GTPBP4: variants seen among roughly 807,000 people sequenced by gnomAD.
GTPBP4 encodes GTP-binding protein 4.
GTPBP4 carries 15 observed loss-of-function variants against 81.7 expected under a neutral mutation model. That is an observed-to-expected ratio of 0.18 (90% CI 0.12 to 0.28). The LOEUF is 0.28. Among genes scored for constraint, GTPBP4 ranks in the 10% least tolerant of loss-of-function variants. GTPBP4 has a pLI of 1.00. For synonymous variants in GTPBP4, 272 were observed against 274.6 expected (o/e 0.99, Z 0.09); for missense variants, 847 against 793.8 (o/e 1.07, Z -0.81).
chr10:988,519 T>C lies in GTPBP4; in HGVS notation c.40T>C (p.Ser14Pro). The change falls in exon 1 of 17, where the codon TCC becomes CCC. Residue 14 changes from serine (S) to proline (P), a missense_variant. This residue lies in a region of GTPBP4 where 241 missense variants were observed against 216.3 expected (regional missense o/e 1.11). Transcript: ENST00000360803. ...CTTCAAGAAAATTACGGTGGTGCCG[T>C]CCGCCAAGGTAGGCGGCCCCGGGAG... ...YNFKKITVVP[S>P]AKDFIDLTLS... 3 of 1,612,254 alleles carry C rather than the reference T, an allele frequency of 1.9e-6. No homozygotes were observed. The highest frequency in any genetic ancestry group is 2.5e-6 in the Non-Finnish European group (3 of 1,179,120).
chr10:1,010,329 A>T, intron 12 of GTPBP4, 91 bp from the exon 13 acceptor site: 527 of 661,506 alleles, frequency 8.0e-4, no homozygotes, highest in Middle Eastern at 1.7e-3. Context: ...GGAGTCGTTG[A>T]TTTGCCGTCA....
intron 13 of GTPBP4, 94 bp from the exon 14 acceptor site, chr10:1,012,371 G>C (rs1317172669): frequency 1.2e-6 from 1 of 842,598 alleles, no homozygotes; most frequent in African/African-American, 1.7e-5. Flanking sequence ...CTCTGAGTCA[G>C]GGAAACAAAG....
At chr10:1,012,342 G>C (rs1831893358) in intron 13 of GTPBP4, 123 bp from the exon 14 acceptor site, 1 of 672,940 alleles carries the variant, frequency 1.5e-6, no homozygotes. Context: ...GGTGGGTCTG[G>C]ACCAGGGCAA....
intron 5 of GTPBP4, among the ~76,000 whole-genome samples, chr10:997,746 C>A (rs1196966288): frequency 6.6e-6 from 1 of 152,200 alleles, no homozygotes; most frequent in Non-Finnish European, 1.5e-5. Context: ...GTGACACTCA[C>A]CCAGCTGGGG....
intron 8 of GTPBP4, among the ~76,000 whole-genome samples, chr10:1,003,103 C>T (rs999100185): frequency 5.9e-5 from 9 of 151,998 alleles, no homozygotes; most frequent in African/African-American, 1.7e-4. Flanking sequence ...CATTCTTTTT[C>T]GTTCTTCCTG....
In GTPBP4 at chr10:1,008,948, A is replaced by G. The variant is rs1158754896; in HGVS notation, c.1114-10A>G. 6.3e-7 allele frequency: 1 copy of G among 1,595,324 alleles called. No individual in the cohort carries two copies. Reference sequence around the variant, plus strand: ...ATTTCACATAAATATTTTATATGGGATCTTCTCAGGAGAGGCCCCCTTTCA... The same window carrying G: ...ATTTCACATAAATATTTTATATGGGGTCTTCTCAGGAGAGGCCCCCTTTCA... On this transcript the variant is annotated splice_polypyrimidine_tract_variant and intron_variant, in intron 10 of 16. Coordinates refer to ENST00000360803, the MANE Select transcript of GTPBP4 (RefSeq NM_012341.3).
At position 1,018,648 on chromosome 10, in the gene GTPBP4, A is replaced by C. The variant is rs1832032017; in HGVS notation, c.*1421A>C. ...ACGGTGAAACCCCGTCTCTACTAAA[A>C]ATACAAAAAATTAGCTGGGTGTGGT... is the stretch of plus-strand genomic sequence containing the variant. On this transcript the variant is annotated 3_prime_UTR_variant, in exon 17 of 17. Transcript: ENST00000360803. 6.6e-6 allele frequency: 1 copy of C among 152,012 alleles called. No individual in the cohort carries two copies. Among genetic ancestry groups the C allele is most frequent in the Admixed American group, 6.6e-5 (1 of 15,246 alleles). The allele number at this position is 152,012 out of a possible 1,614,324, so 9.4% of individuals were successfully genotyped here.
chr10:995,778 G>C, intron 2 of GTPBP4, 151 bp from the exon 3 acceptor site: 2 of 593,924 alleles, frequency 3.4e-6, no homozygotes, highest in Non-Finnish European at 6.1e-6. Flanking sequence ...TTTTCTCAGA[G>C]GACTAAATAG....
chr10:1,006,972 G>T (rs1831749502), intron 9 of GTPBP4, 46 bp from the exon 10 acceptor site: 1 of 1,160,800 alleles, frequency 8.6e-7, no homozygotes, highest in Non-Finnish European at 1.3e-6. Context: ...GCTGGAGGCT[G>T]CTGGAGGATG....
intron 5 of GTPBP4, 91 bp from the exon 6 acceptor site, chr10:998,912 T>C: frequency 1.3e-6 from 1 of 771,798 alleles, no homozygotes; most frequent in South Asian, 1.4e-5. Flanking sequence ...CTATGGTTAT[T>C]TCCTACCCAA....
At chr10:1,008,504 A>G (rs11253567) in intron 10 of GTPBP4, 68,041 of 297,232 alleles carry the variant, frequency 0.23, 8,766 homozygotes, top group Non-Finnish European at 0.28. Context: ...TGGAGGTTGC[A>G]CTCCGTTTCA....
At chr10:1,001,998 A>G (rs1365063048) in intron 8 of GTPBP4, among the ~76,000 whole-genome samples, 2 of 150,988 alleles carry the variant, frequency 1.3e-5, no homozygotes, top group African/African-American at 4.9e-5. Flanking sequence ...GTCTCGGCTC[A>G]GTGCAGCCTC....
At chr10:998,245 G>A (rs897411728) in intron 5 of GTPBP4, among the ~76,000 whole-genome samples, 5 of 152,026 alleles carry the variant, frequency 3.3e-5, no homozygotes, top group African/African-American at 1.2e-4. Context: ...GACCACAGGT[G>A]CACGCCACCG....
At chr10:1,016,763 C>G (rs1287932843) in intron 16 of GTPBP4, among the ~76,000 whole-genome samples, 1 of 152,092 alleles carries the variant, frequency 6.6e-6, no homozygotes, top group Non-Finnish European at 1.5e-5. Flanking sequence ...CTGCAGATAA[C>G]TGTGCTGGGC....
At chr10:991,370 T>C (rs910266299) in intron 1 of GTPBP4, among the ~76,000 whole-genome samples, 4 of 152,236 alleles carry the variant, frequency 2.6e-5, no homozygotes, top group Non-Finnish European at 1.5e-5. Context: ...CTAGATACAT[T>C]GGATTTAGGA....
rs1564466092 is a variant in GTPBP4 at position 996,141 on chromosome 10, G to A, written c.359G>A (p.Gly120Asp). Residue 120 changes from glycine to aspartate, a missense_variant, in exon 4 of 17, where the codon GGC becomes GAC. Physicochemically the swap from Gly to Asp is moderately conservative, Grantham distance 94 (BLOSUM62 -1). Around this residue, in one of 3 missense-constraint regions of GTPBP4, gnomAD observed 241 missense variants for 216.3 expected, o/e 1.11. Transcript: ENST00000360803. ...GATTATGTGCGACTGATGAAGTATG[G>A]CGACTCTCTCTACCGCTGCAAACAG... ...AKDYVRLMKY[G>D]DSLYRCKQLK... is the part of the protein sequence containing the mutation. 6.2e-7 allele frequency: 1 copy of A among 1,611,310 alleles called. No individual in the cohort carries two copies. Among genetic ancestry groups the A allele is most frequent in the African/African-American group, 1.3e-5 (1 of 74,944 alleles).
At chr10:988,712 ACCAGAGATCGGATCCC>A (rs978838120) in intron 1 of GTPBP4, 185 bp downstream of exon 1, 176 of 599,400 alleles carry the variant, frequency 2.9e-4, no homozygotes, top group Non-Finnish European at 2.9e-4. Context: ...TCCGGGGTCC[ACCAGAGATCGGATCCC>A]CCAGAGACCG....
intron 10 of GTPBP4, among the ~76,000 whole-genome samples, chr10:1,007,586 ATAAAT>A (rs1237137386): frequency 3.9e-5 from 6 of 152,220 alleles, no homozygotes; most frequent in South Asian, 2.1e-4. Context: ...AATAAATAAA[ATAAAT>A]TTTCATTGTT....
In GTPBP4 at chr10:1,012,636, CCCAGGA is replaced by C; in HGVS notation, c.1517_1522del (p.Pro506_Met508delinsLeu). On this transcript the variant is annotated inframe_deletion, in exon 14 of 17. Coordinates refer to ENST00000360803, the MANE Select transcript of GTPBP4 (RefSeq NM_012341.3). ...GTCCAAAGAAAAGAATACACAGGGA[CCCAGGA>C]TGCCGCGAACTGCTAAGAAGGCAAG... 1 of 1,613,364 alleles carries C rather than the reference CCCAGGA, an allele frequency of 6.2e-7. No homozygotes were observed. The highest frequency in any genetic ancestry group is 1.3e-5 in the African/African-American group (1 of 74,944).
Sources: allele counts gnomAD v4.1 joint callset (sites outside exome capture counted in the v4.1 genomes callset), GRCh38; gene constraint gnomAD v4.1.1; regional missense constraint gnomAD v4.1.1; transcripts MANE v1.5; gene names NCBI Gene and HGNC (gene_info 2026-07-23, HGNC 2026-07-21).